Variants in AK5 observed in about 807,000 individuals in gnomAD.
AK5 encodes adenylate kinase 5.
AK5 carries 27 observed loss-of-function variants against 69.5 expected under a neutral mutation model. The observed-to-expected ratio is 0.39, with a 90% CI of 0.29 to 0.54. The LOEUF (loss-of-function observed/expected upper bound fraction) is 0.54. AK5 is among the 20% of genes least tolerant of loss of function. AK5 has a pLI of 0.71. For synonymous variants in AK5, 260 were observed against 244.4 expected, an observed-to-expected ratio of 1.06 and a Z score of -0.60; for missense variants, 531 against 700.4, an observed-to-expected ratio of 0.76 and a Z score of 2.73.
At chr1:77,445,167 A>G (rs1254582640) in intron 8 of AK5, among the ~76,000 whole-genome samples, 1 of 152,188 alleles carries the variant, frequency 6.6e-6, no homozygotes, top group Admixed American at 6.5e-5. Flanking sequence ...TTGCTGCATC[A>G]TATGGTAGTT....
chr1:77,416,478 T>C (rs1027164105), intron 7 of AK5, among the ~76,000 whole-genome samples: 5 of 152,238 alleles, frequency 3.3e-5, no homozygotes, highest in African/African-American at 1.2e-4. Context: ...TGAAAAACTT[T>C]ATCATCCTGT....
intron 5 of AK5, among the ~76,000 whole-genome samples, chr1:77,300,801 A>G (rs1659299253): frequency 1.3e-5 from 2 of 152,210 alleles, no homozygotes; most frequent in Admixed American, 1.3e-4. Flanking sequence ...CAAGGTTTCC[A>G]TAACACTCTC....
chr1:77,282,672 C>T, intron 1 of AK5: 1 of 1,153,912 alleles, frequency 8.7e-7, no homozygotes, highest in Non-Finnish European at 1.1e-6. Context: ...CCAGGGTGGG[C>T]TGCAGACCGC....
At chr1:77,537,572 C>T (rs1227416722) in intron 13 of AK5, among the ~76,000 whole-genome samples, 2 of 151,852 alleles carry the variant, frequency 1.3e-5, no homozygotes, top group Admixed American at 1.3e-4. Flanking sequence ...AGCTTTTGTC[C>T]AGGAACAAAA....
intron 5 of AK5, among the ~76,000 whole-genome samples, chr1:77,327,390 CA>C (rs4033041): frequency 0.34 from 44,149 of 128,620 alleles, 6,610 homozygotes; most frequent in East Asian, 0.51. Flanking sequence ...GATCCTGTCT[CA>C]AAAAAAAAAA....
rs1658454278 is a variant in AK5, at chr1:77,529,366, CT to C, written c.1429-6480del. On this transcript the variant is annotated intron_variant, in intron 12 of 13. Transcript: ENST00000354567. Reference sequence around the variant, plus strand: ...TTTTTTTTTTTGAGACGGAGTCTTGCTCTGTCCCACAGGCTGGAGTGCAATG... The same window carrying C: ...TTTTTTTTTTTGAGACGGAGTCTTGCCTGTCCCACAGGCTGGAGTGCAATG... Among the ~76,000 whole-genome samples, 3 of 144,664 alleles carry C rather than the reference CT, an allele frequency of 2.1e-5. No individual in the cohort carries two copies. In the East Asian group the frequency reaches 5.9e-4, roughly 29 times the overall value. 94.9% of individuals were successfully genotyped at this position (144,664 alleles called of 152,430 possible).
intron 8 of AK5, among the ~76,000 whole-genome samples, chr1:77,467,676 A>G (rs1260478554): frequency 2.6e-5 from 4 of 152,256 alleles, no homozygotes; most frequent in African/African-American, 9.6e-5. Context: ...CACATAAAGA[A>G]AAGCCATGAA....
chr1:77,289,641 AGAT>A (rs1265321242), intron 2 of AK5, among the ~76,000 whole-genome samples: 1 of 152,174 alleles, frequency 6.6e-6, no homozygotes, highest in Admixed American at 6.5e-5. Flanking sequence ...TGTACACAGA[AGAT>A]AGGCATGTGT....
At chr1:77,319,349 T>C (rs758815149) in intron 5 of AK5, among the ~76,000 whole-genome samples, 7 of 152,134 alleles carry the variant, frequency 4.6e-5, no homozygotes, top group East Asian at 3.9e-4. Flanking sequence ...GGGCACAGAA[T>C]TGGGGAGAGA....
chr1:77,335,512 A>G (rs1031370662), intron 5 of AK5, among the ~76,000 whole-genome samples: 2 of 152,058 alleles, frequency 1.3e-5, no homozygotes, highest in African/African-American at 4.8e-5. Context: ...ACTTCTCAAC[A>G]TTTCACAGTG....
chr1:77,399,934 T>C (rs1649094162), intron 6 of AK5, among the ~76,000 whole-genome samples: 1 of 151,856 alleles, frequency 6.6e-6, no homozygotes, highest in African/African-American at 2.4e-5. Flanking sequence ...CCCATAGGAG[T>C]TGGGAAGTCA....
intron 8 of AK5, among the ~76,000 whole-genome samples, chr1:77,432,921 G>A (rs561923950): frequency 6.6e-6 from 1 of 152,332 alleles, no homozygotes; most frequent in South Asian, 2.1e-4. Flanking sequence ...AGTGTCTTGG[G>A]AAACGCTGCC....
chr1:77,294,051 A>G (rs1658845308), intron 3 of AK5, 91 bp downstream of exon 3: 1 of 1,177,198 alleles, frequency 8.5e-7, no homozygotes, highest in Admixed American at 2.7e-5. Context: ...ATGTGCAAAT[A>G]GTTGGATAAT....
intron 5 of AK5, among the ~76,000 whole-genome samples, chr1:77,332,127 A>G (rs1367826852): frequency 6.6e-6 from 1 of 152,156 alleles, no homozygotes; most frequent in Non-Finnish European, 1.5e-5. Context: ...TTTATATAAC[A>G]TTTCCAAATT....
rs192532733 is a variant in AK5 at position 77,359,784 on chromosome 1, T to A, written c.891+19216T>A. Among the ~76,000 whole-genome samples, 3 of 152,344 alleles carry A rather than the reference T, an allele frequency of 2.0e-5. No homozygotes were observed. In the East Asian group the frequency reaches 5.8e-4, roughly 29 times the overall value. ...GCTAGCTTTACTTCACATTATTTAT[T>A]TGGTTTCACAGTATGTCAAACAGCT... is the stretch of plus-strand genomic sequence containing the variant. On this transcript the variant is annotated intron_variant, in intron 6 of 13. Transcript: ENST00000354567.
chr1:77,310,479 A>C (rs1430349108), intron 5 of AK5, among the ~76,000 whole-genome samples: 4 of 151,650 alleles, frequency 2.6e-5, no homozygotes, highest in South Asian at 2.1e-4. Context: ...TTCCGGGTTC[A>C]CGCCACTCTC....
chr1:77,450,062 C>A (rs1039162812), intron 8 of AK5, among the ~76,000 whole-genome samples: 1 of 152,116 alleles, frequency 6.6e-6, no homozygotes, highest in African/African-American at 2.4e-5. Context: ...ATCTCTAGGG[C>A]AGGGGCAAAA....
intron 8 of AK5, among the ~76,000 whole-genome samples, chr1:77,454,889 T>A (rs931650259): frequency 2.0e-5 from 3 of 152,212 alleles, no homozygotes; most frequent in Non-Finnish European, 4.4e-5. Flanking sequence ...AAACTTCAAG[T>A]GTCATCTTCT....
chr1:77,486,367 T>C lies in AK5; in HGVS notation c.1147+15T>C. ...TTTCATAATTGGTGAGTAACAGCCC[T>C]TGCATTTTCTAACAATACAATTGCT... is the stretch of plus-strand genomic sequence containing the variant. On this transcript the variant is annotated intron_variant, in intron 10 of 13. Coordinates refer to ENST00000354567, the MANE Select transcript of AK5 (RefSeq NM_174858.3). 3 of 1,567,372 alleles carry C rather than the reference T, an allele frequency of 1.9e-6. No homozygotes were observed. Among genetic ancestry groups the C allele is most frequent in the Non-Finnish European group, 2.6e-6 (3 of 1,143,042 alleles).
Sources: gnomAD v4.1 joint callset for allele counts (sites outside exome capture counted in the v4.1 genomes callset) on GRCh38, gnomAD v4.1.1 for gene constraint, MANE v1.5 for transcripts, NCBI Gene and HGNC (gene_info 2026-07-23, HGNC 2026-07-21) for gene names.